FGD2: variants seen among roughly 807,000 people sequenced by gnomAD.
FGD2 encodes FYVE, RhoGEF and PH domain containing 2.
FGD2 carries 52 observed loss-of-function variants against 75.9 expected under a neutral mutation model. The ratio of observed to expected loss-of-function variants is 0.69; its 90% CI spans 0.55 to 0.86. FGD2 has a LOEUF of 0.86. Among genes scored for constraint, FGD2 ranks in the 40% least tolerant of loss-of-function variants. FGD2 has a pLI of 0.00. For missense variants in FGD2, 790 were observed against 872.0 expected (o/e 0.91, Z 1.18); for synonymous variants, 347 against 348.6 (o/e 1.00, Z 0.05).
chr6:37,015,719 C>T (rs1359080306), intron 8 of FGD2, 49 bp from the exon 9 acceptor site: 1 of 1,526,506 alleles, frequency 6.6e-7, no homozygotes, highest in Non-Finnish European at 8.9e-7. Context: ...CCCACCTAGC[C>T]ATCCTCCCTG....
chr6:37,021,438 C>T (rs1439858287), intron 11 of FGD2, 74 bp from the exon 12 acceptor site: 10 of 1,353,070 alleles, frequency 7.4e-6, no homozygotes, highest in South Asian at 5.1e-5. Flanking sequence ...GTTGCATGCA[C>T]GGAAGGATGG....
In FGD2 at chr6:37,015,011, C is replaced by T. The variant is rs776121849; in HGVS notation, c.1002C>T (p.Asn334=). The change falls in exon 8 of 16, where the codon AAC becomes AAT. Residue 334 remains asparagine (N), a synonymous_variant. Transcript: ENST00000274963. The part of the protein sequence containing the change: ...GPVLKISFRR[N]DPMERYLFLF... ...TCCTCAAGATCTCCTTCCGCCGCAA[C>T]GACCCCATGGAGCGCTACCTTTTCT... 37 of 1,613,976 alleles carry T rather than the reference C, an allele frequency of 2.3e-5. No individual in the cohort carries two copies. Among genetic ancestry groups the T allele is most frequent in the Non-Finnish European group, 2.9e-5 (34 of 1,179,980 alleles).
At chr6:37,027,716 T>A (rs1765894335) in intron 15 of FGD2, 141 bp downstream of exon 15, 1 of 1,200,682 alleles carries the variant, frequency 8.3e-7, no homozygotes, top group Non-Finnish European at 1.2e-6. Flanking sequence ...TATCCTGGAG[T>A]CTCAAGGTTG....
At chr6:37,023,297 G>A (rs1366838079) in intron 13 of FGD2, 1 of 154,686 alleles carries the variant, frequency 6.5e-6, no homozygotes, top group African/African-American at 2.4e-5. Flanking sequence ...CCTCCAGTGT[G>A]GCAGTGAGGA....
chr6:37,006,619 C>T (rs761623257), intron 1 of FGD2, among the ~76,000 whole-genome samples: 7 of 151,734 alleles, frequency 4.6e-5, no homozygotes, highest in Admixed American at 2.6e-4. Flanking sequence ...TGTGTGTGCG[C>T]GTGTGTGTAT....
At chr6:37,026,797 C>T (rs938089920) in intron 14 of FGD2, among the ~76,000 whole-genome samples, 6 of 151,152 alleles carry the variant, frequency 4.0e-5, no homozygotes, top group African/African-American at 1.2e-4. Flanking sequence ...GTCAGGAGTT[C>T]GAGACCAGCC....
rs1281408270 is a variant in FGD2, at chr6:37,015,820, A to C, written c.1082A>C (p.Gln361Pro). The change falls in exon 9 of 16, where the codon CAG becomes CCG. Residue 361 changes from glutamine (Q) to proline (P), a missense_variant. Physicochemically the swap from Gln to Pro is moderately conservative, Grantham distance 76 (BLOSUM62 -1). Transcript: ENST00000274963. The part of the protein sequence containing the change: ...CVPRVIQVGA[Q>P]FQVRTRIDVA... ...CCCAGGGTGATCCAGGTGGGCGCCC[A>C]GTTCCAGGTGAGGACCCGCATCGAT... 3 of 1,595,728 alleles carry C rather than the reference A, an allele frequency of 1.9e-6. No individual in the cohort carries two copies. Among genetic ancestry groups the C allele is most frequent in the Non-Finnish European group, 2.6e-6 (3 of 1,172,076 alleles).
At chr6:37,009,134 C>A in intron 2 of FGD2, 69 bp downstream of exon 2, 1 of 1,445,848 alleles carries the variant, frequency 6.9e-7, no homozygotes, top group Non-Finnish European at 9.5e-7. Flanking sequence ...CCCCTCCACA[C>A]ATGCTTTCCT....
chr6:37,011,571 G>C, intron 3 of FGD2, 135 bp from the exon 4 acceptor site: 1 of 1,212,800 alleles, frequency 8.2e-7, no homozygotes, highest in Non-Finnish European at 1.2e-6. Flanking sequence ...TTCTTTTCCC[G>C]GGGTTGCTGT....
chr6:37,022,683 G>T, intron 13 of FGD2: 1 of 311,010 alleles, frequency 3.2e-6, no homozygotes, highest in South Asian at 5.7e-5. Flanking sequence ...CCCCACCTTG[G>T]CTTCCACCAG....
At chr6:37,007,106 C>T (rs1185591080) in intron 1 of FGD2, among the ~76,000 whole-genome samples, 5 of 152,116 alleles carry the variant, frequency 3.3e-5, no homozygotes, top group African/African-American at 1.2e-4. Flanking sequence ...ATGGGTGGCA[C>T]AGCACAGCAT....
At chr6:37,021,128 T>C (rs1486300851) in intron 11 of FGD2, among the ~76,000 whole-genome samples, 1 of 150,630 alleles carries the variant, frequency 6.6e-6, no homozygotes, top group Non-Finnish European at 1.5e-5. Flanking sequence ...GTATGTGTCT[T>C]TGTGTGTCTG....
In FGD2 at chr6:37,028,394, T is replaced by C; in HGVS notation, c.*231T>C. The C allele has an allele frequency of 2.0e-6, 1 of 499,866 alleles. No individual in the cohort carries two copies. The highest frequency in any genetic ancestry group is 3.5e-6 in the Non-Finnish European group (1 of 282,268). 31.0% of individuals were successfully genotyped at this position (499,866 alleles called of 1,614,324 possible). On this transcript the variant is annotated 3_prime_UTR_variant, in exon 16 of 16. Transcript: ENST00000274963. ...TCAGTTTGCCTTGCGGGGAGGGGGC[T>C]CCTGGGCCATGGGACTTCCAGTGCT...
chr6:37,015,355 G>A (rs534560147), intron 8 of FGD2, among the ~76,000 whole-genome samples: 2 of 152,308 alleles, frequency 1.3e-5, no homozygotes, highest in South Asian at 4.1e-4. Flanking sequence ...AAGGAGTAAG[G>A]TTAGCTACTA....
chr6:37,027,711 T>C (rs956435878), intron 15 of FGD2, 136 bp downstream of exon 15: 23 of 1,233,234 alleles, frequency 1.9e-5, no homozygotes, highest in Middle Eastern at 5.4e-4. Context: ...TATGGTATCC[T>C]GGAGTCTCAA....
rs1478261279 is a variant in FGD2, at chr6:37,018,217, A to G, written c.1123-2324A>G. On this transcript the variant is annotated intron_variant, in intron 9 of 15. Transcript: ENST00000274963. ...ACAGAGTCATAGAGAGAAAACAGAGAGAGCCGAGCCTGAGAGCATCAGATG... is the reference window on the plus strand; with the variant it reads ...ACAGAGTCATAGAGAGAAAACAGAGGGAGCCGAGCCTGAGAGCATCAGATG... 2.0e-5 allele frequency among the ~76,000 whole-genome samples: 3 copies of G among 152,172 alleles called. No homozygotes were observed. In the East Asian group the frequency reaches 5.8e-4, roughly 29 times the overall value.
intron 9 of FGD2, among the ~76,000 whole-genome samples, chr6:37,016,700 A>G (rs546979005): frequency 6.6e-6 from 1 of 151,900 alleles, no homozygotes; most frequent in African/African-American, 2.4e-5. Context: ...TGCCCGGCCA[A>G]TTTTTGTATT....
rs1324736888 is a variant in FGD2, at chr6:37,028,119, G to C, written c.1924G>C (p.Gly642Arg). 1.5e-5 allele frequency: 24 copies of C among 1,608,656 alleles called. No individual in the cohort carries two copies. Among genetic ancestry groups the C allele is most frequent in the Non-Finnish European group, 2.0e-5 (24 of 1,177,634 alleles). ...GAAGGCCATGGAGCGGGCGGCCAGT[G>C]GCTGGAGCCCCAGCTGGCCCAACGA... ...WVKAMERAAS[G>R]WSPSWPNDGD... is the part of the protein sequence containing the mutation. Residue 642 changes from glycine (G) to arginine (R), a missense_variant, in exon 16 of 16, where the codon GGC (glycine) becomes CGC (arginine). Gly to Arg is a moderately radical substitution (Grantham distance 125, BLOSUM62 -2). Transcript: ENST00000274963.
intron 1 of FGD2, among the ~76,000 whole-genome samples, chr6:37,007,659 C>A (rs992032391): frequency 2.0e-5 from 3 of 152,256 alleles, no homozygotes; most frequent in Non-Finnish European, 4.4e-5. Context: ...AGGTCTCCAG[C>A]ACCTCAGCTG....
Sources: gnomAD v4.1 joint callset for allele counts (sites outside exome capture counted in the v4.1 genomes callset) on GRCh38, gnomAD v4.1.1 for gene constraint, MANE v1.5 for transcripts, NCBI Gene and HGNC (gene_info 2026-07-23, HGNC 2026-07-21) for gene names.